CNKSR3: variants seen among roughly 807,000 people sequenced by gnomAD.
CNKSR3 encodes the protein CNKSR family member 3.
Under a neutral mutation model 67.7 loss-of-function variants are expected in CNKSR3, and 36 were observed. The ratio of observed to expected loss-of-function variants is 0.53; its 90% confidence interval spans 0.41 to 0.70. The LOEUF is 0.70. Ranked by LOEUF, CNKSR3 falls within the 30% of genes least tolerant of loss-of-function variation. CNKSR3 has a pLI of 0.00. For synonymous variants in CNKSR3, 281 were observed against 271.4 expected, an observed-to-expected ratio of 1.04 and a Z score of -0.35; for missense variants, 630 against 695.2, an observed-to-expected ratio of 0.91 and a Z score of 1.05.
chr6:154,505,664 A>AT lies in CNKSR3; in HGVS notation c.52+4398dup, dbSNP rs577665314. ...AGGCGCCCACCACCACACCCGGCTAATTTTTTTTGTATTTTTTAGTAGAGA... is the reference window on the plus strand; with the variant it reads ...AGGCGCCCACCACCACACCCGGCTAATTTTTTTTTGTATTTTTTAGTAGAGA... On this transcript the variant is annotated intron_variant, in intron 1 of 12. Transcript: ENST00000607772. Among the ~76,000 whole-genome samples the AT allele has an allele frequency of 4.7e-4, 71 of 150,186 alleles. 1 individual carries two copies. The highest frequency in any genetic ancestry group is 1.5e-3 in the African/African-American group (61 of 41,176).
Position 154,391,118 on chromosome 6 carries a change from G to A in CNKSR3, c.*15236C>T, listed in dbSNP as rs574956472. 1 of 152,286 alleles carries A rather than the reference G, an allele frequency of 6.6e-6. No homozygotes were observed. The highest frequency in any genetic ancestry group is 1.5e-5 in the Non-Finnish European group (1 of 68,062). The allele number at this position is 152,286 out of a possible 1,614,324, so 9.4% of individuals were successfully genotyped here. ...GCCCGGCCTGACGCCTCTTTCTTTA[G>A]TGTGTAGCTGGTTTTCTTCTCCCCG... On this transcript the variant is annotated 3_prime_UTR_variant, in exon 13 of 13. Coordinates refer to ENST00000607772, the MANE Select transcript of CNKSR3 (RefSeq NM_173515.4).
At chr6:154,463,730 G>A (rs950525837) in intron 1 of CNKSR3, among the ~76,000 whole-genome samples, 14 of 152,100 alleles carry the variant, frequency 9.2e-5, no homozygotes, top group Non-Finnish European at 2.1e-4. Flanking sequence ...CCTTTTTGCT[G>A]TGCTGAGGGA....
intron 11 of CNKSR3, among the ~76,000 whole-genome samples, chr6:154,410,702 G>GT (rs1378807359): frequency 1.3e-5 from 2 of 152,202 alleles, no homozygotes; most frequent in East Asian, 3.8e-4. Context: ...AGTTAAAACT[G>GT]TAACATGATC....
intron 9 of CNKSR3, among the ~76,000 whole-genome samples, chr6:154,419,777 T>C (rs965668051): frequency 1.3e-5 from 2 of 151,970 alleles, no homozygotes; most frequent in African/African-American, 4.8e-5. Flanking sequence ...CTATTCACCC[T>C]TAAAAAAAGA....
In CNKSR3 at chr6:154,389,023, A is replaced by G. The variant is rs1047953842; in HGVS notation, c.*17331T>C. The G allele has an allele frequency of 1.5e-4, 23 of 151,796 alleles. No individual in the cohort carries two copies. The highest frequency in any genetic ancestry group is 5.1e-4 in the African/African-American group (21 of 41,292). The allele number at this position is 151,796 out of a possible 1,614,324, so 9.4% of individuals were successfully genotyped here. On this transcript the variant is annotated 3_prime_UTR_variant, in exon 13 of 13. Coordinates refer to ENST00000607772, the MANE Select transcript of CNKSR3 (RefSeq NM_173515.4). ...CTTATCACATACATCGCTTGCAAAT[A>G]CTTTCTCCCATTTCATAGGTTTTCT... is the stretch of plus-strand genomic sequence containing the variant.
chr6:154,430,510 C>T lies in CNKSR3; in HGVS notation c.631G>A (p.Glu211Lys), dbSNP rs1456089660. ...GGTTTAATGTTTGGTAAGTGAACTT[C>T]CTCCAGACATGCACACTGGCTCATC... ...PVMSQCACLE[E>K]VHLPNIKPGE... The change falls in exon 6 of 13, where the codon GAA becomes AAA. Residue 211 changes from glutamate (E) to lysine (K), a missense_variant. Around this residue, in one of 3 missense-constraint regions of CNKSR3, gnomAD observed 133 missense variants for 190.6 expected, o/e 0.70. Coordinates refer to ENST00000607772, the MANE Select transcript of CNKSR3 (RefSeq NM_173515.4). 2 of 1,612,094 alleles carry T rather than the reference C, an allele frequency of 1.2e-6. No homozygotes were observed. Among genetic ancestry groups the T allele is most frequent in the African/African-American group, 1.3e-5 (1 of 74,820 alleles).
rs544282646 is a variant in CNKSR3 at position 154,418,430 on chromosome 6, C to A, written c.946-4007G>T. On this transcript the variant is annotated intron_variant, in intron 9 of 12. Coordinates refer to ENST00000607772, the MANE Select transcript of CNKSR3 (RefSeq NM_173515.4). ...TGGTGGTCTATCTATGTTTTGTGGG[C>A]GAGTGTGTTTGAAGAATAGCATTCA... Among the ~76,000 whole-genome samples, 50 of 152,162 alleles carry A rather than the reference C, an allele frequency of 3.3e-4. 1 individual carries two copies. The highest frequency in any genetic ancestry group is 1.6e-3 in the Admixed American group (24 of 15,282).
chr6:154,461,450 CAAG>C (rs1582879398), intron 1 of CNKSR3, among the ~76,000 whole-genome samples: 2 of 152,252 alleles, frequency 1.3e-5, no homozygotes, highest in East Asian at 3.9e-4. Context: ...GTAAAATAAG[CAAG>C]AAGAAGCTCT....
At chr6:154,427,289 A>G (rs956479864) in intron 7 of CNKSR3, among the ~76,000 whole-genome samples, 5 of 152,224 alleles carry the variant, frequency 3.3e-5, no homozygotes, top group African/African-American at 1.2e-4. Context: ...AATTAGACAC[A>G]TATTTCTACC....
intron 1 of CNKSR3, among the ~76,000 whole-genome samples, chr6:154,500,382 C>T (rs577807352): frequency 2.0e-5 from 3 of 152,178 alleles, no homozygotes; most frequent in African/African-American, 4.8e-5. Flanking sequence ...AGGTTATCCT[C>T]AGGAAAGCAT....
chr6:154,473,527 G>A (rs1298091217), intron 1 of CNKSR3, among the ~76,000 whole-genome samples: 1 of 152,124 alleles, frequency 6.6e-6, no homozygotes, highest in Non-Finnish European at 1.5e-5. Context: ...CACGATGCTG[G>A]GGGAGAATGG....
chr6:154,489,158 T>C (rs1038624795), intron 1 of CNKSR3, among the ~76,000 whole-genome samples: 18 of 152,226 alleles, frequency 1.2e-4, no homozygotes, highest in Non-Finnish European at 1.5e-5. Flanking sequence ...CTTCTGGATC[T>C]GGTACAACAA....
At position 154,390,141 on chromosome 6, in the gene CNKSR3, C is replaced by G. The variant is rs2128707824; in HGVS notation, c.*16213G>C. ...AACCAAGAACTAGAATATTACTCAT[C>G]AGTCACAAATCTTGTATGCTTCCCC... On this transcript the variant is annotated 3_prime_UTR_variant, in exon 13 of 13. Transcript: ENST00000607772. The G allele has an allele frequency of 6.6e-6, 1 of 152,324 alleles. No individual in the cohort carries two copies. Among genetic ancestry groups the G allele is most frequent in the Non-Finnish European group, 1.5e-5 (1 of 68,040 alleles). 9.4% of individuals were successfully genotyped at this position (152,324 alleles called of 1,614,324 possible). A position where few individuals can be genotyped will look rare whatever the true frequency, so the allele number is the denominator to read the frequency against.
intron 1 of CNKSR3, among the ~76,000 whole-genome samples, chr6:154,470,554 T>C (rs1786307280): frequency 6.6e-6 from 1 of 152,192 alleles, no homozygotes; most frequent in Non-Finnish European, 1.5e-5. Context: ...CCTTTTATCT[T>C]TGTCTTATTT....
At chr6:154,466,780 C>T (rs1363998751) in intron 1 of CNKSR3, among the ~76,000 whole-genome samples, 1 of 139,690 alleles carries the variant, frequency 7.2e-6, no homozygotes, top group African/African-American at 2.9e-5. Flanking sequence ...CCATCACGCC[C>T]AGCTAATTTT....
chr6:154,431,564 CTGACAAA>C (rs1785369819), intron 5 of CNKSR3, among the ~76,000 whole-genome samples: 1 of 151,660 alleles, frequency 6.6e-6, no homozygotes, highest in African/African-American at 2.4e-5. Context: ...TCTATGAGTT[CTGACAAA>C]TGCCTAATGT....
At chr6:154,411,294 G>C in intron 10 of CNKSR3, 152 bp from the exon 11 acceptor site, 1 of 612,266 alleles carries the variant, frequency 1.6e-6, no homozygotes, top group Non-Finnish European at 2.9e-6. Context: ...AACCCCAGTT[G>C]CCGCTCAAAT....
chr6:154,505,432 C>T (rs1436013864), intron 1 of CNKSR3, among the ~76,000 whole-genome samples: 2 of 151,496 alleles, frequency 1.3e-5, no homozygotes, highest in East Asian at 4.0e-4. Flanking sequence ...AGACTTCTGT[C>T]CTGGGACCAA....
At chr6:154,506,978 ATGGAG>A (rs1481959438) in intron 1 of CNKSR3, among the ~76,000 whole-genome samples, 1 of 152,198 alleles carries the variant, frequency 6.6e-6, no homozygotes. Flanking sequence ...TCCTGAGAAA[ATGGAG>A]TGGAGTGAAG....
Sources: gnomAD v4.1 joint callset for allele counts (sites outside exome capture counted in the v4.1 genomes callset) on GRCh38, gnomAD v4.1.1 for gene constraint, gnomAD v4.1.1 regional missense constraint, MANE v1.5 for transcripts, NCBI Gene and HGNC (gene_info 2026-07-23, HGNC 2026-07-21) for gene names.